Variants in PDE3B observed in about 807,000 individuals in gnomAD.
The protein encoded by PDE3B is phosphodiesterase 3B, also known as cGMP-inhibited 3',5'-cyclic phosphodiesterase 3B.
In PDE3B, 66 loss-of-function variants were observed where a neutral mutation model predicts 116.8. The ratio of observed to expected loss-of-function variants is 0.56; its 90% confidence interval spans 0.46 to 0.69. The LOEUF is 0.69. Ranked by LOEUF, PDE3B falls within the 30% of genes least tolerant of loss-of-function variation. PDE3B has a pLI of 0.00. For missense variants in PDE3B, 1,384 were observed against 1,368.1 expected (o/e 1.01, Z -0.18); for synonymous variants, 595 against 533.6 (o/e 1.12, Z -1.59).
At position 14,803,997 on chromosome 11, in the gene PDE3B, A is replaced by C; in HGVS notation, c.1469A>C (p.Lys490Thr). Reference sequence around the variant, plus strand: ...AATTCAAATCTACTGACTATCCCGAAGCAAAGGTCATCTTCTGTATCACTG... The same window carrying C: ...AATTCAAATCTACTGACTATCCCGACGCAAAGGTCATCTTCTGTATCACTG... The part of the protein sequence containing the change: ...PFNSNLLTIP[K>T]QRSSSVSLTH... The change falls in exon 5 of 16, where the codon AAG (lysine) becomes ACG (threonine). Residue 490 changes from lysine (K) to threonine (T), a missense_variant. By Grantham distance (78) the Lys-to-Thr change is moderately conservative. Around this residue, in one of 2 missense-constraint regions of PDE3B, gnomAD observed 956 missense variants for 806.8 expected, o/e 1.18. Transcript: ENST00000282096. 6.2e-7 allele frequency: 1 copy of C among 1,612,320 alleles called. No homozygotes were observed. Among genetic ancestry groups the C allele is most frequent in the Non-Finnish European group, 8.5e-7 (1 of 1,178,414 alleles).
chr11:14,643,866 C>T lies in PDE3B; in HGVS notation c.-210C>T, dbSNP rs1174857399. 6 of 643,614 alleles carry T rather than the reference C, an allele frequency of 9.3e-6. No individual in the cohort carries two copies. The East Asian group carries it at 2.0e-4, about 22-fold the overall frequency. The allele number at this position is 643,614 out of a possible 1,614,324, so 39.9% of individuals were successfully genotyped here. Reference sequence around the variant, plus strand: ...CTAAACTGGTCCTGGAGAGAAGCCCCTTCCGCCCCTCTCCTCAGCCAGCAT... The same window carrying T: ...CTAAACTGGTCCTGGAGAGAAGCCCTTTCCGCCCCTCTCCTCAGCCAGCAT... On this transcript the variant is annotated 5_prime_UTR_variant, in exon 1 of 16. Coordinates refer to ENST00000282096, the MANE Select transcript of PDE3B (RefSeq NM_000922.4).
chr11:14,667,833 TATA>T (rs60396910), intron 1 of PDE3B, among the ~76,000 whole-genome samples: 89,492 of 148,496 alleles, frequency 0.6, 26,980 homozygotes, highest in Middle Eastern at 0.66. Flanking sequence ...AAACTTAAAG[TATA>T]ATAATAATAA....
intron 1 of PDE3B, among the ~76,000 whole-genome samples, chr11:14,769,083 CT>C (rs1857568084): frequency 6.6e-6 from 1 of 151,250 alleles, no homozygotes; most frequent in Non-Finnish European, 1.5e-5. Flanking sequence ...AGTTTTCATC[CT>C]AGAGAAAGTG....
At chr11:14,799,324 C>T (rs1858669046) in intron 4 of PDE3B, among the ~76,000 whole-genome samples, 1 of 152,092 alleles carries the variant, frequency 6.6e-6, no homozygotes, top group Non-Finnish European at 1.5e-5. Flanking sequence ...TGTTCTTTTG[C>T]CTTTGCTGAG....
chr11:14,792,768 AT>A (rs1858429855), intron 4 of PDE3B, among the ~76,000 whole-genome samples: 1 of 152,132 alleles, frequency 6.6e-6, no homozygotes, highest in South Asian at 2.1e-4. Context: ...CACCCTTTTA[AT>A]TTAAAAAGCA....
chr11:14,829,954 C>T (rs144127767), intron 7 of PDE3B, among the ~76,000 whole-genome samples: 369 of 152,178 alleles, frequency 2.4e-3, no homozygotes, highest in Non-Finnish European at 3.8e-3. Flanking sequence ...GTCTTTCATA[C>T]GCTTTTGAAC....
At chr11:14,652,604 A>C (rs1303726493) in intron 1 of PDE3B, among the ~76,000 whole-genome samples, 2 of 152,168 alleles carry the variant, frequency 1.3e-5, no homozygotes, top group Non-Finnish European at 2.9e-5. Flanking sequence ...CAGTGGTGTT[A>C]AGTATATTCA....
At chr11:14,683,808 C>T (rs1192308852) in intron 1 of PDE3B, among the ~76,000 whole-genome samples, 1 of 151,940 alleles carries the variant, frequency 6.6e-6, no homozygotes, top group African/African-American at 2.4e-5. Context: ...GCATTAGCTT[C>T]TTTGAGTTTC....
chr11:14,732,696 A>G (rs891992416), intron 1 of PDE3B, among the ~76,000 whole-genome samples: 1 of 152,204 alleles, frequency 6.6e-6, no homozygotes, highest in Non-Finnish European at 1.5e-5. Flanking sequence ...GAGTATATCC[A>G]AATCTGCACA....
chr11:14,762,376 A>G (rs1390401673), intron 1 of PDE3B, among the ~76,000 whole-genome samples: 6 of 152,208 alleles, frequency 3.9e-5, no homozygotes, highest in Non-Finnish European at 4.4e-5. Context: ...ATCACGCTAG[A>G]TAATAGTGTT....
chr11:14,789,781 G>C (rs1393953793), intron 4 of PDE3B, among the ~76,000 whole-genome samples: 2 of 151,952 alleles, frequency 1.3e-5, no homozygotes, highest in Non-Finnish European at 2.9e-5. Flanking sequence ...TAAATGAAAG[G>C]CATCAGTAAC....
chr11:14,844,065 G>A (rs1200467766), intron 12 of PDE3B, 39 bp downstream of exon 12: 1 of 1,472,072 alleles, frequency 6.8e-7, no homozygotes, highest in Admixed American at 1.7e-5. Flanking sequence ...GAGTAATTCT[G>A]AAATTTTCAG....
chr11:14,853,786 G>A (rs1847800205), intron 12 of PDE3B, among the ~76,000 whole-genome samples: 1 of 152,212 alleles, frequency 6.6e-6, no homozygotes, highest in African/African-American at 2.4e-5. Context: ...AGGAATGTCA[G>A]TATTAATAAG....
rs781661071 is a variant in PDE3B at position 14,859,116 on chromosome 11, G to T, written c.2594G>T (p.Arg865Leu). 4 of 1,613,250 alleles carry T rather than the reference G, an allele frequency of 2.5e-6. No individual in the cohort carries two copies. Among genetic ancestry groups the T allele is most frequent in the Admixed American group, 1.7e-5 (1 of 59,966 alleles). The part of the protein sequence containing the change: ...AASAWNLYLS[R>L]PEYNFLLHLD... ...TCAGCTTGGAATCTATATCTTTCTCGCCCAGAATACAACTTCCTTCTTCAT... is the reference window on the plus strand; with the variant it reads ...TCAGCTTGGAATCTATATCTTTCTCTCCCAGAATACAACTTCCTTCTTCAT... Residue 865 changes from arginine to leucine, a missense_variant, in exon 13 of 16, where the codon CGC becomes CTC. Transcript: ENST00000282096.
At chr11:14,765,969 A>C (rs1360005623) in intron 1 of PDE3B, among the ~76,000 whole-genome samples, 2 of 151,516 alleles carry the variant, frequency 1.3e-5, no homozygotes, top group Non-Finnish European at 3.0e-5. Context: ...ATTTTAAAAG[A>C]GCTACATTTT....
At chr11:14,833,545 A>G (rs2133964807) in intron 10 of PDE3B, among the ~76,000 whole-genome samples, 1 of 152,272 alleles carries the variant, frequency 6.6e-6, no homozygotes, top group African/African-American at 2.4e-5. Context: ...CATTCACTTA[A>G]AAATGCTTAA....
At chr11:14,726,562 G>A (rs1036553928) in intron 1 of PDE3B, among the ~76,000 whole-genome samples, 1 of 152,136 alleles carries the variant, frequency 6.6e-6, no homozygotes, top group African/African-American at 2.4e-5. Context: ...CCAGAAAAGG[G>A]ACCCAGATTC....
intron 1 of PDE3B, among the ~76,000 whole-genome samples, chr11:14,704,086 T>C (rs1717256310): frequency 6.6e-6 from 1 of 151,794 alleles, no homozygotes; most frequent in South Asian, 2.1e-4. Flanking sequence ...GGTCTATAGA[T>C]TTAACAAGTG....
intron 1 of PDE3B, among the ~76,000 whole-genome samples, chr11:14,744,411 A>G (rs1174007633): frequency 1.3e-5 from 2 of 152,208 alleles, no homozygotes; most frequent in African/African-American, 4.8e-5. Context: ...TTGTCTTCCA[A>G]GTCCATGAAT....
Sources: allele counts gnomAD v4.1 joint callset (sites outside exome capture counted in the v4.1 genomes callset), GRCh38; gene constraint gnomAD v4.1.1; regional missense constraint gnomAD v4.1.1; transcripts MANE v1.5; gene names NCBI Gene and HGNC (gene_info 2026-07-23, HGNC 2026-07-21).